The following DCC variants were observed in gnomAD, a reference collection of about 807,000 sequenced individuals.
The protein encoded by DCC is netrin receptor DCC.
Under a neutral mutation model 172.5 loss-of-function variants are expected in DCC, and 58 were observed. That is an observed-to-expected ratio of 0.34 (90% CI 0.27 to 0.42). The LOEUF (loss-of-function observed/expected upper bound fraction) is 0.42. Ranked by LOEUF, DCC falls within the 10% of genes least tolerant of loss-of-function variation. The pLI is 1.00. For synonymous variants in DCC, 709 were observed against 644.5 expected (o/e 1.10, Z -1.52); for missense variants, 1,740 against 1,791.0 (o/e 0.97, Z 0.51).
chr18:53,332,514 A>G (rs2057541226), intron 14 of DCC, among the ~76,000 whole-genome samples: 1 of 152,184 alleles, frequency 6.6e-6, no homozygotes, highest in South Asian at 2.1e-4. Context: ...ACACATGCAT[A>G]ATAGGTCTCC....
chr18:53,141,767 A>T (rs2043833712), intron 7 of DCC, among the ~76,000 whole-genome samples: 1 of 151,916 alleles, frequency 6.6e-6, no homozygotes, highest in Non-Finnish European at 1.5e-5. Context: ...TCTCCTCTCC[A>T]TGGTTGTGTG....
At chr18:53,079,806 A>G (rs1265065063) in intron 7 of DCC, among the ~76,000 whole-genome samples, 2 of 152,160 alleles carry the variant, frequency 1.3e-5, no homozygotes, top group African/African-American at 4.8e-5. Context: ...TGCTGGTAGA[A>G]GAAACATTAC....
chr18:52,586,117 C>T (rs2033668923), intron 1 of DCC, among the ~76,000 whole-genome samples: 3 of 145,494 alleles, frequency 2.1e-5, no homozygotes, highest in South Asian at 2.2e-4. Context: ...AACAAAAACA[C>T]TGTCACACCT....
At chr18:52,886,651 C>G (rs2039574279) in intron 2 of DCC, among the ~76,000 whole-genome samples, 1 of 152,052 alleles carries the variant, frequency 6.6e-6, no homozygotes, top group Admixed American at 6.6e-5. Flanking sequence ...ACCTCTGTTT[C>G]CTCTGCTGGG....
intron 2 of DCC, among the ~76,000 whole-genome samples, chr18:52,761,471 T>C (rs1317263686): frequency 6.6e-6 from 1 of 152,212 alleles, no homozygotes. Context: ...AAGAGCGAGA[T>C]AATTTTGACC....
chr18:53,104,193 T>TG, intron 7 of DCC, among the ~76,000 whole-genome samples: 1 of 152,000 alleles, frequency 6.6e-6, no homozygotes. Flanking sequence ...GCTTTAACTC[T>TG]GGGCTACATC....
intron 27 of DCC, among the ~76,000 whole-genome samples, chr18:53,525,403 A>AATC (rs2046443654): frequency 6.6e-6 from 1 of 152,068 alleles, no homozygotes; most frequent in Admixed American, 6.6e-5. Context: ...TTTTATGATA[A>AATC]ATCACTCAAA....
intron 5 of DCC, among the ~76,000 whole-genome samples, chr18:53,048,328 C>G (rs759037795): frequency 6.6e-6 from 1 of 151,632 alleles, no homozygotes; most frequent in Non-Finnish European, 1.5e-5. Context: ...TTTTTCTGTC[C>G]ATGTGTTCTT....
At chr18:52,376,483 ATG>A (rs35302015) in intron 1 of DCC, among the ~76,000 whole-genome samples, 8,884 of 149,768 alleles carry the variant, frequency 0.059, 450 homozygotes, top group African/African-American at 0.14. Flanking sequence ...GTATATTTCT[ATG>A]TGTGTGTGTG....
At chr18:53,310,509 T>A (rs1356171437) in intron 13 of DCC, among the ~76,000 whole-genome samples, 1 of 152,090 alleles carries the variant, frequency 6.6e-6, no homozygotes, top group East Asian at 1.9e-4. Context: ...TAATGAGACA[T>A]CTGCAATAAC....
chr18:53,123,071 C>T (rs527758627), intron 7 of DCC, among the ~76,000 whole-genome samples: 10 of 152,100 alleles, frequency 6.6e-5, no homozygotes, highest in African/African-American at 2.4e-4. Flanking sequence ...CCTCAAGAAG[C>T]TTATATTCCA....
chr18:52,879,730 ATGT>A (rs930618221), intron 2 of DCC, among the ~76,000 whole-genome samples: 27 of 152,052 alleles, frequency 1.8e-4, no homozygotes, highest in African/African-American at 6.0e-4. Flanking sequence ...ATGCCCAGCC[ATGT>A]TGTTTGGTCT....
At chr18:52,839,779 G>A (rs1013272952) in intron 2 of DCC, among the ~76,000 whole-genome samples, 1 of 152,196 alleles carries the variant, frequency 6.6e-6, no homozygotes, top group Non-Finnish European at 1.5e-5. Context: ...CTGTGATGGT[G>A]TGGATTAGGT....
chr18:53,414,891 A>G (rs11659533), intron 20 of DCC, among the ~76,000 whole-genome samples: 65,641 of 152,050 alleles, frequency 0.43, 15,988 homozygotes, highest in Non-Finnish European at 0.56. Flanking sequence ...ACAATTCAAA[A>G]TCTACTACTT....
Position 52,726,759 on chromosome 18 carries a change from G to C in DCC, c.92-25295G>C, listed in dbSNP as rs1481967159. On this transcript the variant is annotated intron_variant, in intron 1 of 28. Transcript: ENST00000442544. ...TGAATGACTATGGCCAAGCTATGTG[G>C]TCTCTCTGACCCAAAAATTACTCAT... Among the ~76,000 whole-genome samples the C allele has an allele frequency of 3.9e-5, 6 of 152,278 alleles. No homozygotes were observed. The East Asian group carries it at 9.7e-4, about 24-fold the overall frequency.
chr18:53,135,595 G>A (rs1207501157), intron 7 of DCC, among the ~76,000 whole-genome samples: 2 of 152,126 alleles, frequency 1.3e-5, no homozygotes, highest in Non-Finnish European at 2.9e-5. Context: ...ACCTAGGGCT[G>A]ACAGCTGCTT....
At chr18:52,868,131 A>T (rs1431335792) in intron 2 of DCC, among the ~76,000 whole-genome samples, 1 of 149,498 alleles carries the variant, frequency 6.7e-6, no homozygotes, top group African/African-American at 2.5e-5. Flanking sequence ...GTGTGTGTGT[A>T]TTATATATAG....
At chr18:52,762,907 C>T (rs147692764) in intron 2 of DCC, among the ~76,000 whole-genome samples, 1 of 152,306 alleles carries the variant, frequency 6.6e-6, no homozygotes, top group African/African-American at 2.4e-5. Flanking sequence ...CCGTGATGAT[C>T]TGTAAAGGAA....
chr18:53,203,201 T>TTTGTGTG (rs984883485), intron 9 of DCC, among the ~76,000 whole-genome samples: 1 of 125,254 alleles, frequency 8.0e-6, no homozygotes, highest in African/African-American at 2.9e-5. Flanking sequence ...ATAGATTCTC[T>TTTGTGTG]TGTGTGTGTG....
Sources: gnomAD v4.1 joint callset for allele counts (sites outside exome capture counted in the v4.1 genomes callset) on GRCh38, gnomAD v4.1.1 for gene constraint, MANE v1.5 for transcripts, NCBI Gene and HGNC (gene_info 2026-07-23, HGNC 2026-07-21) for gene names.